Variants in FMN2 observed in about 807,000 individuals in gnomAD.
FMN2 encodes the protein formin 2.
FMN2 carries 51 observed loss-of-function variants against 142.3 expected under a neutral mutation model. That is an observed-to-expected ratio of 0.36 (90% CI 0.29 to 0.45). The LOEUF is 0.45. Among genes scored for constraint, FMN2 ranks in the 20% least tolerant of loss-of-function variants. The pLI, the probability that FMN2 is intolerant of heterozygous loss-of-function variation, is 1.00. For missense variants in FMN2, 1,936 were observed against 2,122.8 expected, an observed-to-expected ratio of 0.91 and a Z score of 1.73; for synonymous variants, 882 against 869.8, an observed-to-expected ratio of 1.01 and a Z score of -0.25.
chr1:240,109,032 T>C (rs1276428937), intron 1 of FMN2, among the ~76,000 whole-genome samples: 1 of 152,036 alleles, frequency 6.6e-6, no homozygotes, highest in Admixed American at 6.5e-5. Flanking sequence ...CGAGACTCTG[T>C]CTCAAAAACA....
At chr1:240,357,775 T>C (rs1422538817) in intron 14 of FMN2, among the ~76,000 whole-genome samples, 1 of 151,964 alleles carries the variant, frequency 6.6e-6, no homozygotes, top group Non-Finnish European at 1.5e-5. Context: ...GCCCGGCTAA[T>C]TTTTTGTATT....
chr1:240,433,888 G>C (rs561555487), intron 15 of FMN2, among the ~76,000 whole-genome samples: 2 of 152,268 alleles, frequency 1.3e-5, no homozygotes, highest in South Asian at 4.1e-4. Context: ...TTGTAGGTCT[G>C]TTAGCTTTGA....
chr1:240,402,663 G>A (rs948323268), intron 15 of FMN2, among the ~76,000 whole-genome samples: 10 of 152,106 alleles, frequency 6.6e-5, no homozygotes, highest in Non-Finnish European at 1.2e-4. Context: ...TAGCATACAC[G>A]GCTTTCTTCA....
At position 240,365,716 on chromosome 1, in the gene FMN2, C is replaced by T. The variant is rs561443575; in HGVS notation, c.4858+9808C>T. ...AAGCCTGTGGTCATATTCTTGTCAA[C>T]TAATTCACTCATAACTTTGTCTTAT... On this transcript the variant is annotated intron_variant, in intron 14 of 17. Transcript: ENST00000319653. 3.3e-5 allele frequency among the ~76,000 whole-genome samples: 5 copies of T among 152,268 alleles called. No homozygotes were observed. The East Asian group carries it at 7.7e-4, about 23-fold the overall frequency.
rs34050336 is a variant in FMN2, at chr1:240,184,236, CT to C, written c.1931-3947del. On this transcript the variant is annotated intron_variant, in intron 3 of 17. Coordinates refer to ENST00000319653, the MANE Select transcript of FMN2 (RefSeq NM_020066.5). ...AACTTTTTAAAATGGAATATTTAAC[CT>C]TTTTTTTTTTTTTTTTTTTTTTTGA... is the stretch of plus-strand genomic sequence containing the variant. 5.0e-3 allele frequency among the ~76,000 whole-genome samples: 400 copies of C among 79,448 alleles called. 1 individual carries two copies. The highest frequency in any genetic ancestry group is 0.01 in the African/African-American group (208 of 20,018). The allele number at this position is 79,448 out of a possible 152,430, so 52.1% of individuals were successfully genotyped here.
At chr1:240,217,628 G>T (rs988833839) in intron 6 of FMN2, among the ~76,000 whole-genome samples, 3 of 151,892 alleles carry the variant, frequency 2.0e-5, no homozygotes, top group South Asian at 4.1e-4. Flanking sequence ...AGGTTTTGTG[G>T]AATCTGGATT....
At chr1:240,106,013 A>G (rs1214728254) in intron 1 of FMN2, among the ~76,000 whole-genome samples, 1 of 152,186 alleles carries the variant, frequency 6.6e-6, no homozygotes, top group Non-Finnish European at 1.5e-5. Context: ...AAACCCAGAA[A>G]CATTATTAAC....
chr1:240,144,363 T>C (rs1413600181), intron 2 of FMN2: 1 of 1,606,752 alleles, frequency 6.2e-7, no homozygotes, highest in African/African-American at 1.3e-5. Flanking sequence ...GGCTCCATGA[T>C]GTCCAGCTCC....
intron 2 of FMN2, among the ~76,000 whole-genome samples, chr1:240,131,729 T>C (rs1662746464): frequency 1.3e-5 from 2 of 151,356 alleles, no homozygotes; most frequent in Admixed American, 1.3e-4. Flanking sequence ...AAAAAAAGTC[T>C]GTATACTGGG....
At chr1:240,224,377 A>G (rs1360331392) in intron 6 of FMN2, among the ~76,000 whole-genome samples, 2 of 151,914 alleles carry the variant, frequency 1.3e-5, no homozygotes, top group Middle Eastern at 3.2e-3. Flanking sequence ...ATTCTTTTGC[A>G]TTTGCTGAGG....
chr1:240,419,902 G>A (rs1674708408), intron 15 of FMN2, among the ~76,000 whole-genome samples: 1 of 152,072 alleles, frequency 6.6e-6, no homozygotes, highest in Non-Finnish European at 1.5e-5. Flanking sequence ...GGTCATAGAG[G>A]TTGAGCAGCA....
chr1:240,329,631 AAAG>A (rs1296156908), intron 10 of FMN2, among the ~76,000 whole-genome samples, 163 bp downstream of exon 10: 1 of 152,204 alleles, frequency 6.6e-6, no homozygotes, highest in African/African-American at 2.4e-5. Context: ...CTTCAAGATC[AAAG>A]TAAATGTTCC....
chr1:240,309,181 G>A (rs1271117232), intron 8 of FMN2, among the ~76,000 whole-genome samples: 1 of 152,196 alleles, frequency 6.6e-6, no homozygotes, highest in Admixed American at 6.5e-5. Context: ...CTAGGGATGA[G>A]TAAGCATACC....
intron 8 of FMN2, among the ~76,000 whole-genome samples, chr1:240,326,831 T>C (rs1341098114): frequency 6.6e-6 from 1 of 152,146 alleles, no homozygotes; most frequent in East Asian, 1.9e-4. Flanking sequence ...TTATAGGGAT[T>C]GGAGACCTTT....
At chr1:240,156,049 G>A (rs1040574009) in intron 2 of FMN2, among the ~76,000 whole-genome samples, 1 of 151,902 alleles carries the variant, frequency 6.6e-6, no homozygotes, top group Non-Finnish European at 1.5e-5. Flanking sequence ...AACCACCTGA[G>A]GCAACATAGT....
intron 16 of FMN2, among the ~76,000 whole-genome samples, chr1:240,461,369 GC>G (rs1315888133): frequency 1.3e-5 from 2 of 152,160 alleles, no homozygotes; most frequent in African/African-American, 4.8e-5. Context: ...TTATCTGTAA[GC>G]TCTCCTAGCT....
intron 15 of FMN2, among the ~76,000 whole-genome samples, chr1:240,422,288 C>G (rs1361004908): frequency 6.6e-6 from 1 of 152,144 alleles, no homozygotes; most frequent in Non-Finnish European, 1.5e-5. Flanking sequence ...CAAAATAACT[C>G]ATTAGGAAAG....
chr1:240,415,436 A>T (rs1390911618), intron 15 of FMN2, among the ~76,000 whole-genome samples: 1 of 151,962 alleles, frequency 6.6e-6, no homozygotes, highest in South Asian at 2.1e-4. Flanking sequence ...CCTAATGTAG[A>T]TGACCGGTTG....
intron 1 of FMN2, among the ~76,000 whole-genome samples, chr1:240,118,791 T>C (rs1417499394): frequency 2.0e-5 from 3 of 151,984 alleles, no homozygotes; most frequent in Non-Finnish European, 2.9e-5. Flanking sequence ...CTAAGAATGA[T>C]AGGAGCAGAG....
Sources: gnomAD v4.1 joint callset for allele counts (sites outside exome capture counted in the v4.1 genomes callset) on GRCh38, gnomAD v4.1.1 for gene constraint, MANE v1.5 for transcripts, NCBI Gene and HGNC (gene_info 2026-07-23, HGNC 2026-07-21) for gene names.